The following ZZZ3 variants were observed in gnomAD, a reference collection of about 807,000 sequenced individuals.
ZZZ3 encodes the protein zinc finger ZZ-type containing 3, also known as ZZ-type zinc finger-containing protein 3.
ZZZ3 carries 22 observed loss-of-function variants against 95.2 expected under a neutral mutation model. The observed-to-expected ratio is 0.23, with a 90% CI of 0.17 to 0.33. The LOEUF (loss-of-function observed/expected upper bound fraction) is 0.33, where lower values mean the gene tolerates loss of function less well. Ranked by LOEUF, ZZZ3 falls within the 10% of genes least tolerant of loss-of-function variation. The pLI, the probability that ZZZ3 is intolerant of heterozygous loss-of-function variation, is 1.00. For missense variants in ZZZ3, 885 were observed against 1,066.5 expected (o/e 0.83, Z 2.37); for synonymous variants, 335 against 358.9 (o/e 0.93, Z 0.75).
At chr1:77,639,628 A>T (rs1460809332) in intron 3 of ZZZ3, 26 bp from the exon 4 acceptor site, 1 of 443,570 alleles carries the variant, frequency 2.3e-6, no homozygotes, top group African/African-American at 2.0e-5. Flanking sequence ...ATGAAAAAAA[A>T]GGATTAAAGA....
At chr1:77,674,412 G>A (rs1052958930) in intron 1 of ZZZ3, among the ~76,000 whole-genome samples, 1 of 152,108 alleles carries the variant, frequency 6.6e-6, no homozygotes, top group Non-Finnish European at 1.5e-5. Flanking sequence ...TAATTCTGTG[G>A]TACTAGACAT....
At chr1:77,603,412 A>G (rs1664932324) in intron 5 of ZZZ3, among the ~76,000 whole-genome samples, 1 of 152,130 alleles carries the variant, frequency 6.6e-6, no homozygotes, top group Non-Finnish European at 1.5e-5. Context: ...CATACCACAA[A>G]AAACCATACC....
intron 12 of ZZZ3, 36 bp from the exon 13 acceptor site, chr1:77,568,502 G>A: frequency 1.4e-5 from 15 of 1,092,772 alleles, no homozygotes; most frequent in East Asian, 8.2e-5. Flanking sequence ...ATGTTGGTTT[G>A]GTAATTAAAA....
chr1:77,626,451 G>T (rs201715450), intron 5 of ZZZ3, among the ~76,000 whole-genome samples: 2 of 152,214 alleles, frequency 1.3e-5, no homozygotes, highest in East Asian at 3.8e-4. Context: ...GGGGTGATAA[G>T]AGACAGTGAC....
At chr1:77,645,695 G>A (rs1450739777) in intron 1 of ZZZ3, 1 of 152,210 alleles carries the variant, frequency 6.6e-6, no homozygotes, top group Admixed American at 6.5e-5. Context: ...ATTCAGGCGA[G>A]GCGCAGTGGC....
intron 6 of ZZZ3, among the ~76,000 whole-genome samples, chr1:77,582,882 G>T (rs1446986701): frequency 6.6e-6 from 1 of 152,020 alleles, no homozygotes; most frequent in Admixed American, 6.6e-5. Flanking sequence ...AAGGCTGGTG[G>T]ATCACTTCGG....
At chr1:77,667,291 T>C (rs917465296) in intron 1 of ZZZ3, among the ~76,000 whole-genome samples, 1 of 152,234 alleles carries the variant, frequency 6.6e-6, no homozygotes, top group African/African-American at 2.4e-5. Flanking sequence ...TTTACTGGAA[T>C]TGGAGCTCTA....
chr1:77,618,086 T>G (rs7513619), intron 5 of ZZZ3, among the ~76,000 whole-genome samples: 3 of 152,046 alleles, frequency 2.0e-5, no homozygotes, highest in Admixed American at 2.0e-4. Context: ...TTCCATATCT[T>G]ATTTTATAAA....
At chr1:77,667,068 T>C (rs1671308857) in intron 1 of ZZZ3, among the ~76,000 whole-genome samples, 1 of 152,262 alleles carries the variant, frequency 6.6e-6, no homozygotes, top group African/African-American at 2.4e-5. Flanking sequence ...TTAATCAAAG[T>C]CTTCTCTCAC....
chr1:77,677,151 TAAC>T (rs1329621872), intron 1 of ZZZ3: 17 of 152,166 alleles, frequency 1.1e-4, no homozygotes, highest in African/African-American at 4.1e-4. Flanking sequence ...CCAGCCTGAC[TAAC>T]ATGGTGAAAC....
chr1:77,614,358 G>A (rs1666104099), intron 5 of ZZZ3, among the ~76,000 whole-genome samples: 1 of 152,022 alleles, frequency 6.6e-6, no homozygotes, highest in Non-Finnish European at 1.5e-5. Flanking sequence ...TCTCACAATT[G>A]AAAAAATGAA....
intron 4 of ZZZ3, among the ~76,000 whole-genome samples, 193 bp from the exon 5 acceptor site, chr1:77,633,598 C>T (rs1668026708): frequency 6.6e-6 from 1 of 152,124 alleles, no homozygotes; most frequent in African/African-American, 2.4e-5. Context: ...TTATAGCTAA[C>T]AAGCATACAG....
Position 77,565,025 on chromosome 1 carries a change from C to T in ZZZ3, c.*615G>A, listed in dbSNP as rs1394399510. On this transcript the variant is annotated 3_prime_UTR_variant, in exon 15 of 15. Transcript: ENST00000370801. Reference sequence around the variant, plus strand: ...CCATGAGCTGGTTAAGGAAGCAATGCCACAGTTGCCTCCTGTAGTGCTTCA... The same window carrying T: ...CCATGAGCTGGTTAAGGAAGCAATGTCACAGTTGCCTCCTGTAGTGCTTCA... 1 of 152,580 alleles carries T rather than the reference C, an allele frequency of 6.6e-6. No individual in the cohort carries two copies. The highest frequency in any genetic ancestry group is 1.5e-5 in the Non-Finnish European group (1 of 68,026). The allele number at this position is 152,580 out of a possible 1,614,324, so 9.5% of individuals were successfully genotyped here.
Position 77,641,675 on chromosome 1 carries a change from T to C in ZZZ3, c.-402-20A>G, listed in dbSNP as rs1266112619. On this transcript the variant is annotated intron_variant, in intron 1 of 14. Coordinates refer to ENST00000370801, the MANE Select transcript of ZZZ3 (RefSeq NM_015534.6). ...TGATATCTGTGAAGAGAAACCATAA[T>C]ATAGTCACTATAGATGTGTTACCGT... 7.6e-6 allele frequency: 3 copies of C among 397,300 alleles called. No individual in the cohort carries two copies. Among genetic ancestry groups the C allele is most frequent in the African/African-American group, 6.2e-5 (3 of 48,588 alleles). The allele number at this position is 397,300 out of a possible 1,614,324, so 24.6% of individuals were successfully genotyped here.
intron 5 of ZZZ3, among the ~76,000 whole-genome samples, chr1:77,618,927 A>G (rs988678499): frequency 3.3e-5 from 5 of 152,210 alleles, no homozygotes; most frequent in African/African-American, 1.2e-4. Context: ...TGACCTTTTC[A>G]ATTTATCCCT....
intron 6 of ZZZ3, 71 bp downstream of exon 6, chr1:77,584,446 G>C: frequency 6.8e-7 from 1 of 1,470,140 alleles, no homozygotes; most frequent in Non-Finnish European, 9.1e-7. Flanking sequence ...CCATAAAAAA[G>C]AATTAACCAA....
intron 5 of ZZZ3, among the ~76,000 whole-genome samples, chr1:77,600,455 C>T (rs896974933): frequency 2.0e-5 from 3 of 152,000 alleles, no homozygotes; most frequent in Non-Finnish European, 2.9e-5. Context: ...AGGGAGAAAG[C>T]TGAGAAAATT....
chr1:77,642,328 C>T (rs892694708), intron 1 of ZZZ3, among the ~76,000 whole-genome samples: 2 of 152,106 alleles, frequency 1.3e-5, no homozygotes, highest in Admixed American at 6.6e-5. Context: ...AAAAAAGGAG[C>T]TACAAAAGAA....
At chr1:77,669,011 A>C (rs191611499) in intron 1 of ZZZ3, among the ~76,000 whole-genome samples, 177 of 142,524 alleles carry the variant, frequency 1.2e-3, no homozygotes, top group African/African-American at 4.4e-3. Context: ...TTTGTGTTAC[A>C]AAAAAAAAAA....
Sources: allele counts gnomAD v4.1 joint callset (sites outside exome capture counted in the v4.1 genomes callset), GRCh38; gene constraint gnomAD v4.1.1; transcripts MANE v1.5; gene names NCBI Gene and HGNC (gene_info 2026-07-23, HGNC 2026-07-21).